Variants in FBXO36 observed in about 807,000 individuals in gnomAD.
FBXO36 encodes the protein F-box only protein 36.
In FBXO36, 18 loss-of-function variants were observed where a neutral mutation model predicts 17.0. That is an observed-to-expected ratio of 1.06 (90% CI 0.73 to 1.57). FBXO36 has a LOEUF of 1.57. Among genes scored for constraint, FBXO36 ranks in the 40% most tolerant of loss-of-function variants. FBXO36 has a pLI of 0.00. For synonymous variants in FBXO36, 83 were observed against 85.3 expected (o/e 0.97, Z 0.15); for missense variants, 229 against 221.9 (o/e 1.03, Z -0.20).
chr2:229,984,817 T>C (rs1352301811), intron 2 of FBXO36, among the ~76,000 whole-genome samples: 2 of 152,308 alleles, frequency 1.3e-5, no homozygotes, highest in African/African-American at 4.8e-5. Flanking sequence ...CAATCCTCAA[T>C]TGATGGGCAT....
At position 230,010,764 on chromosome 2, in the gene FBXO36, G is replaced by A; in HGVS notation, c.447G>A (p.Val149=). 1 of 1,613,952 alleles carries A rather than the reference G, an allele frequency of 6.2e-7. No homozygotes were observed. The stretch of plus-strand genomic sequence containing the variant: ...CCTGCGACACCATCACTCCTGACGT[G>A]AGGGCCCTGGCGGAGGACACAGGCT... ...QSTCDTITPD[V]RALAEDTGWR... Residue 149 remains valine, a synonymous_variant, in exon 4 of 4, where the codon GTG becomes GTA. Transcript: ENST00000283946.
intron 3 of FBXO36, among the ~76,000 whole-genome samples, chr2:230,003,272 A>G (rs868760460): frequency 4.0e-5 from 6 of 150,882 alleles, no homozygotes; most frequent in African/African-American, 1.2e-4. Context: ...ATACATGATC[A>G]CTTTAAAAAT....
intron 3 of FBXO36, among the ~76,000 whole-genome samples, chr2:229,998,716 G>A (rs2077340949): frequency 6.6e-6 from 1 of 151,946 alleles, no homozygotes; most frequent in Non-Finnish European, 1.5e-5. Context: ...CTTGAGCCCA[G>A]GACGTTGAGG....
rs1023042973 is a variant in FBXO36 at position 230,005,818 on chromosome 2, C to T, written c.379-4878C>T. Among the ~76,000 whole-genome samples, 4 of 152,170 alleles carry T rather than the reference C, an allele frequency of 2.6e-5. No individual in the cohort carries two copies. In the East Asian group the frequency reaches 7.8e-4, roughly 30 times the overall value. On this transcript the variant is annotated intron_variant, in intron 3 of 3. Transcript: ENST00000283946. ...GAGTAGCTGGGATTACAGGTGTCCT[C>T]CTCCATACCTGGCTAATTTTTGTAT...
Position 230,012,210 on chromosome 2 carries a change from T to C in FBXO36, c.*1326T>C, listed in dbSNP as rs1208791451. The C allele has an allele frequency of 2.0e-5, 3 of 152,202 alleles. No homozygotes were observed. The highest frequency in any genetic ancestry group is 7.2e-5 in the African/African-American group (3 of 41,458). 9.4% of individuals were successfully genotyped at this position (152,202 alleles called of 1,614,324 possible). On this transcript the variant is annotated 3_prime_UTR_variant, in exon 4 of 4. Transcript: ENST00000283946. ...TGAACAATACAGAAGTTGTGGACTC[T>C]GGCTCTTTGTCCCACCTAAGTCCTT...
At chr2:229,938,688 G>C (rs1353600403) in intron 1 of FBXO36, among the ~76,000 whole-genome samples, 1 of 150,698 alleles carries the variant, frequency 6.6e-6, no homozygotes, top group African/African-American at 2.4e-5. Context: ...TGTATAGATG[G>C]GGTTGTAGAG....
chr2:229,934,367 C>A (rs1449336704), intron 1 of FBXO36, among the ~76,000 whole-genome samples: 1 of 152,164 alleles, frequency 6.6e-6, no homozygotes, highest in Non-Finnish European at 1.5e-5. Flanking sequence ...CACCACTGCA[C>A]TCCAGCCTGG....
intron 1 of FBXO36, among the ~76,000 whole-genome samples, chr2:229,930,474 G>A (rs2076933419): frequency 6.6e-6 from 1 of 151,956 alleles, no homozygotes; most frequent in African/African-American, 2.4e-5. Flanking sequence ...CTTTAGGCTG[G>A]GCACGGTGAC....
At chr2:229,931,615 C>T (rs1246496411) in intron 1 of FBXO36, among the ~76,000 whole-genome samples, 1 of 152,120 alleles carries the variant, frequency 6.6e-6, no homozygotes, top group Non-Finnish European at 1.5e-5. Flanking sequence ...CCAAGGCAGG[C>T]GGATCAAGAG....
chr2:229,954,881 G>A (rs1287060624), intron 1 of FBXO36, among the ~76,000 whole-genome samples: 1 of 149,112 alleles, frequency 6.7e-6, no homozygotes, highest in East Asian at 2.0e-4. Context: ...ACAGAGTCTC[G>A]TTCTATTGCC....
intron 1 of FBXO36, among the ~76,000 whole-genome samples, chr2:229,973,010 C>T (rs1330215133): frequency 1.3e-5 from 2 of 150,694 alleles, no homozygotes; most frequent in East Asian, 1.9e-4. Flanking sequence ...TGCAGTGAGC[C>T]GAGATCCTGC....
At chr2:230,002,077 A>G (rs2077362056) in intron 3 of FBXO36, among the ~76,000 whole-genome samples, 2 of 152,038 alleles carry the variant, frequency 1.3e-5, no homozygotes, top group South Asian at 4.1e-4. Context: ...ACCTCAAGTG[A>G]TCAGCCTGCC....
rs1229577610 is a variant in FBXO36 at position 230,011,711 on chromosome 2, G to T, written c.*827G>T. The T allele has an allele frequency of 6.8e-6, 1 of 147,748 alleles. No individual in the cohort carries two copies. The highest frequency in any genetic ancestry group is 1.5e-5 in the Non-Finnish European group (1 of 67,514). 9.2% of individuals were successfully genotyped at this position (147,748 alleles called of 1,614,324 possible). A position where few individuals can be genotyped will look rare whatever the true frequency, so the allele number is the denominator to read the frequency against. On this transcript the variant is annotated 3_prime_UTR_variant, in exon 4 of 4. Coordinates refer to ENST00000283946, the MANE Select transcript of FBXO36 (RefSeq NM_174899.5). ...TGATCTACCTGCTCTGGCTTCCAAA[G>T]TGCTGGGATTACAGGCATGAGCCAC...
At chr2:229,951,856 C>G (rs1345576285) in intron 1 of FBXO36, among the ~76,000 whole-genome samples, 2 of 152,184 alleles carry the variant, frequency 1.3e-5, no homozygotes, top group Non-Finnish European at 2.9e-5. Context: ...AGTGATTTTG[C>G]TCAATTCCAA....
chr2:230,001,413 G>A (rs1452598932), intron 3 of FBXO36, among the ~76,000 whole-genome samples: 4 of 151,602 alleles, frequency 2.6e-5, no homozygotes, highest in African/African-American at 4.8e-5. Context: ...TCAGCCTCCC[G>A]AGTAGCTGGG....
chr2:229,999,476 T>A (rs1464182949), intron 3 of FBXO36, among the ~76,000 whole-genome samples: 1 of 147,284 alleles, frequency 6.8e-6, no homozygotes, highest in South Asian at 2.1e-4. Context: ...CTTTTGAGAG[T>A]GTGTGTGTGT....
chr2:229,923,575 T>C (rs2076857503), intron 1 of FBXO36, among the ~76,000 whole-genome samples: 1 of 152,100 alleles, frequency 6.6e-6, no homozygotes, highest in African/African-American at 2.4e-5. Context: ...TGAGTTAATT[T>C]TTTTATATTT....
intron 1 of FBXO36, among the ~76,000 whole-genome samples, chr2:229,945,634 G>A (rs181288251): frequency 1.3e-5 from 2 of 151,790 alleles, no homozygotes; most frequent in African/African-American, 2.4e-5. Flanking sequence ...CTTAATTTGT[G>A]CAAAATTTAG....
At chr2:229,971,015 A>C (rs920766250) in intron 1 of FBXO36, among the ~76,000 whole-genome samples, 3 of 152,146 alleles carry the variant, frequency 2.0e-5, no homozygotes, top group African/African-American at 4.8e-5. Flanking sequence ...AAAAATTGTC[A>C]GTTCCTCAAA....
Sources: allele counts gnomAD v4.1 joint callset (sites outside exome capture counted in the v4.1 genomes callset), GRCh38; gene constraint gnomAD v4.1.1; transcripts MANE v1.5; gene names NCBI Gene and HGNC (gene_info 2026-07-23, HGNC 2026-07-21).